ATRNL1: variants seen among roughly 807,000 people sequenced by gnomAD.
ATRNL1 encodes the protein attractin-like protein 1.
ATRNL1 carries 95 observed loss-of-function variants against 182.7 expected under a neutral mutation model. The observed-to-expected ratio is 0.52, with a 90% CI of 0.44 to 0.62. ATRNL1 has a LOEUF of 0.62. ATRNL1 is among the 20% of genes least tolerant of loss of function. The pLI, the probability that ATRNL1 is intolerant of heterozygous loss-of-function variation, is 0.00. For synonymous variants in ATRNL1, 576 were observed against 568.3 expected (o/e 1.01, Z -0.19); for missense variants, 1,471 against 1,679.5 (o/e 0.88, Z 2.17).
chr10:115,845,497 C>A (rs1471684675), intron 27 of ATRNL1, among the ~76,000 whole-genome samples: 2 of 151,972 alleles, frequency 1.3e-5, no homozygotes, highest in Non-Finnish European at 2.9e-5. Flanking sequence ...TAATTTTTTT[C>A]TCCGTTGATG....
At chr10:115,628,169 A>G (rs7079342) in intron 26 of ATRNL1, among the ~76,000 whole-genome samples, 45,315 of 151,432 alleles carry the variant, frequency 0.3, 7,982 homozygotes, top group East Asian at 0.7. Context: ...AAGAAAGAAA[A>G]AAAAAGAAAT....
At chr10:115,418,717 A>AT (rs1482494145) in intron 20 of ATRNL1, among the ~76,000 whole-genome samples, 4 of 152,180 alleles carry the variant, frequency 2.6e-5, no homozygotes, top group Non-Finnish European at 5.9e-5. Flanking sequence ...AGCAAATAAC[A>AT]TTTAAGAGAG....
At chr10:115,499,286 T>C (rs1246214844) in intron 24 of ATRNL1, among the ~76,000 whole-genome samples, 1 of 152,226 alleles carries the variant, frequency 6.6e-6, no homozygotes, top group Non-Finnish European at 1.5e-5. Flanking sequence ...AATTTTAATG[T>C]AGATATAAAA....
intron 27 of ATRNL1, among the ~76,000 whole-genome samples, chr10:115,823,147 C>T (rs1275184518): frequency 1.3e-5 from 2 of 151,820 alleles, no homozygotes; most frequent in Admixed American, 6.6e-5. Context: ...CAATAAAATC[C>T]ATCACATAAA....
chr10:115,740,227 T>C (rs192807550), intron 27 of ATRNL1, among the ~76,000 whole-genome samples: 2 of 152,192 alleles, frequency 1.3e-5, no homozygotes, highest in Admixed American at 6.5e-5. Context: ...ATATAGATTT[T>C]TTTTCATCAA....
At chr10:115,731,933 T>C (rs945588234) in intron 27 of ATRNL1, among the ~76,000 whole-genome samples, 3 of 152,102 alleles carry the variant, frequency 2.0e-5, no homozygotes, top group Admixed American at 1.3e-4. Flanking sequence ...TCTTTTGTGA[T>C]TAGCTTCTTT....
At position 115,758,348 on chromosome 10, in the gene ATRNL1, T is replaced by C. The variant is rs1227925751; in HGVS notation, c.3903+30993T>C. On this transcript the variant is annotated intron_variant, in intron 27 of 28. Coordinates refer to ENST00000355044, the MANE Select transcript of ATRNL1 (RefSeq NM_207303.4). ...TGGTGATGTTGATACTATTCCTTTC[T>C]GTTTGATAGTTTTTTCCTTCTAACA... Among the ~76,000 whole-genome samples, 5 of 7,110 alleles carry C rather than the reference T, an allele frequency of 7.0e-4. No homozygotes were observed. In the Admixed American group the frequency reaches 0.012, roughly 16 times the overall value. 4.7% of individuals were successfully genotyped at this position (7,110 alleles called of 152,430 possible). A position where few individuals can be genotyped will look rare whatever the true frequency, so the allele number is the denominator to read the frequency against.
intron 13 of ATRNL1, among the ~76,000 whole-genome samples, chr10:115,280,863 T>C (rs1390564395): frequency 6.6e-6 from 1 of 152,240 alleles, no homozygotes; most frequent in Non-Finnish European, 1.5e-5. Flanking sequence ...GGTTCTATTA[T>C]TACGGGCGTA....
At chr10:115,327,422 A>T (rs1854957750) in intron 18 of ATRNL1, among the ~76,000 whole-genome samples, 1 of 152,198 alleles carries the variant, frequency 6.6e-6, no homozygotes, top group Non-Finnish European at 1.5e-5. Flanking sequence ...CAGTCATTCA[A>T]AAGTCAGGAA....
intron 18 of ATRNL1, among the ~76,000 whole-genome samples, chr10:115,327,693 C>T (rs2134053072): frequency 6.6e-6 from 1 of 150,872 alleles, no homozygotes; most frequent in Non-Finnish European, 1.5e-5. Context: ...ACCCAAATGT[C>T]CAACAATGAT....
intron 27 of ATRNL1, 63 bp from the exon 28 acceptor site, chr10:115,847,814 G>A (rs1227592704): frequency 2.3e-6 from 2 of 851,726 alleles, no homozygotes; most frequent in East Asian, 4.9e-5. Flanking sequence ...GATAGATAAG[G>A]TGAAAATTAA....
At chr10:115,262,954 T>TCCCCAA (rs1851452658) in intron 10 of ATRNL1, among the ~76,000 whole-genome samples, 1 of 151,970 alleles carries the variant, frequency 6.6e-6, no homozygotes, top group African/African-American at 2.4e-5. Context: ...TGGGAAAATC[T>TCCCCAA]AGTAAAATCG....
chr10:115,787,728 C>T (rs1765273245), intron 27 of ATRNL1, among the ~76,000 whole-genome samples: 1 of 152,086 alleles, frequency 6.6e-6, no homozygotes, highest in African/African-American at 2.4e-5. Flanking sequence ...ATATCATGTC[C>T]TAATCTCTGG....
chr10:115,944,779 A>C lies in ATRNL1; in HGVS notation c.4140A>C (p.Ter1380CysextTer47). 1 of 1,612,960 alleles carries C rather than the reference A, an allele frequency of 6.2e-7. No individual in the cohort carries two copies. Among genetic ancestry groups the C allele is most frequent in the Non-Finnish European group, 8.5e-7 (1 of 1,179,396 alleles). The change falls in exon 29 of 29, where the codon TGA becomes TGC. Residue 1380 changes from the stop codon to cysteine (C), a stop_lost. Coordinates refer to ENST00000355044, the MANE Select transcript of ATRNL1 (RefSeq NM_207303.4). The part of the protein sequence containing the change: ...HLSTRQGTCV[*>C] ...CAACACGTCAAGGAACTTGTGTCTG[A>C]GAAATGGAAACCGCTCCTGTATATT...
chr10:115,935,312 G>A (rs1456422011), intron 28 of ATRNL1, among the ~76,000 whole-genome samples: 1 of 152,094 alleles, frequency 6.6e-6, no homozygotes, highest in African/African-American at 2.4e-5. Flanking sequence ...TAGAGCTGAG[G>A]GTAATGCCTG....
chr10:115,567,215 T>C (rs2133853541), intron 26 of ATRNL1, among the ~76,000 whole-genome samples: 1 of 152,302 alleles, frequency 6.6e-6, no homozygotes, highest in South Asian at 2.1e-4. Flanking sequence ...AGGTGATTAT[T>C]ATCTAGAATC....
At chr10:115,331,123 A>T (rs879967347) in intron 18 of ATRNL1, among the ~76,000 whole-genome samples, 63 of 151,804 alleles carry the variant, frequency 4.2e-4, no homozygotes, top group African/African-American at 1.4e-3. Context: ...GCAGTGGTGC[A>T]ATCTCGGCTC....
In ATRNL1 at chr10:115,185,807, T is replaced by G. The variant is rs534533401; in HGVS notation, c.1348+14515T>G. 5.3e-5 allele frequency among the ~76,000 whole-genome samples: 8 copies of G among 152,216 alleles called. No homozygotes were observed. In the South Asian group the frequency reaches 1.7e-3, roughly 32 times the overall value. On this transcript the variant is annotated intron_variant, in intron 8 of 28. Transcript: ENST00000355044. ...TAGAGAAACCTGTCAATAACTTGTC[T>G]GAGTGATCAAAATTAACATCACAAA...
At chr10:115,529,841 A>G (rs1375339641) in intron 25 of ATRNL1, among the ~76,000 whole-genome samples, 1 of 152,126 alleles carries the variant, frequency 6.6e-6, no homozygotes, top group Admixed American at 6.5e-5. Context: ...ATTTTAGAAC[A>G]TATCATCATC....
Sources: gnomAD v4.1 joint callset for allele counts (sites outside exome capture counted in the v4.1 genomes callset) on GRCh38, gnomAD v4.1.1 for gene constraint, MANE v1.5 for transcripts, NCBI Gene and HGNC (gene_info 2026-07-23, HGNC 2026-07-21) for gene names.